PTPN20: variants seen among roughly 807,000 people sequenced by gnomAD.
PTPN20 encodes the protein protein tyrosine phosphatase non-receptor type 20.
Under a neutral mutation model 35.0 loss-of-function variants are expected in PTPN20, and 9 were observed. That is an observed-to-expected ratio of 0.26 (90% confidence interval 0.15 to 0.45). The LOEUF is 0.45. PTPN20 is among the 20% of genes least tolerant of loss of function. The pLI, the probability that PTPN20 is intolerant of heterozygous loss-of-function variation, is 1.00. For missense variants in PTPN20, 111 were observed against 312.5 expected (o/e 0.36, Z 4.86); for synonymous variants, 32 against 100.2 (o/e 0.32, Z 4.06).
At chr10:46,996,136 G>T (rs935397156) in intron 9 of PTPN20, among the ~76,000 whole-genome samples, 17 of 152,026 alleles carry the variant, frequency 1.1e-4, no homozygotes, top group Admixed American at 1.3e-4. Context: ...AAGTCTTAAT[G>T]GTTCCTTTGC....
At chr10:46,911,715 T>A (rs2032104382) in intron 1 of PTPN20, 1 of 74,726 alleles carries the variant, frequency 1.3e-5, no homozygotes, top group Admixed American at 2.2e-4. Context: ...ATTCTGGCCG[T>A]GTGATGCCAG....
intron 9 of PTPN20, among the ~76,000 whole-genome samples, chr10:46,997,712 A>C (rs2059386038): frequency 6.6e-6 from 1 of 152,214 alleles, no homozygotes; most frequent in South Asian, 2.1e-4. Flanking sequence ...CTCAAAAATC[A>C]ATAGTTAAAA....
chr10:46,929,562 G>A (rs2038895419), intron 1 of PTPN20, among the ~76,000 whole-genome samples: 1 of 151,638 alleles, frequency 6.6e-6, no homozygotes, highest in South Asian at 2.1e-4. Flanking sequence ...CATTCTTTAT[G>A]GAATTTAACT....
intron 9 of PTPN20, among the ~76,000 whole-genome samples, chr10:46,991,829 G>C (rs1489199016): frequency 6.6e-6 from 1 of 152,022 alleles, no homozygotes; most frequent in Non-Finnish European, 1.5e-5. Context: ...TAAGTAAGCT[G>C]ACCTTTCTCT....
At chr10:46,994,536 G>T (rs1046390479) in intron 9 of PTPN20, among the ~76,000 whole-genome samples, 1 of 151,702 alleles carries the variant, frequency 6.6e-6, no homozygotes, top group Non-Finnish European at 1.5e-5. Flanking sequence ...GGGTTTCACC[G>T]TGTTAGCCAG....
At chr10:46,917,197 TAAA>T (rs1298911225) in intron 1 of PTPN20, among the ~76,000 whole-genome samples, 1 of 149,216 alleles carries the variant, frequency 6.7e-6, no homozygotes, top group Non-Finnish European at 1.5e-5. Flanking sequence ...AAGGAAGAAA[TAAA>T]ATTGTCTTTA....
rs1255377367 is a variant in PTPN20, at chr10:46,911,491, C to G, written c.-134C>G. 1.0e-5 allele frequency: 2 copies of G among 195,080 alleles called. No homozygotes were observed. 12.1% of individuals were successfully genotyped at this position (195,080 alleles called of 1,614,324 possible). On this transcript the variant is annotated 5_prime_UTR_variant, in exon 1 of 11. Coordinates refer to ENST00000374339, the MANE Select transcript of PTPN20 (RefSeq NM_001042357.5). ...TGCAGCGGGACAGTTGGGGCGGCCC[C>G]GCAGGCCCAGGTGAGGAAAGGTGGC...
chr10:46,994,322 CTTTTTTTTT>C (rs36049729), intron 9 of PTPN20, among the ~76,000 whole-genome samples: 21 of 66,326 alleles, frequency 3.2e-4, no homozygotes, highest in African/African-American at 1.0e-3. Context: ...CTCTGATGCT[CTTTTTTTTT>C]TTTTTTTTTT....
intron 1 of PTPN20, 35 bp from the exon 2 acceptor site, chr10:46,932,342 A>T (rs1223870154): frequency 7.3e-5 from 116 of 1,595,570 alleles, no homozygotes; most frequent in Middle Eastern, 4.6e-4. Context: ...CCAGTTGTGT[A>T]ACAGAAAAAT....
intron 7 of PTPN20, among the ~76,000 whole-genome samples, chr10:46,976,516 T>A (rs1398949894): frequency 2.9e-5 from 3 of 102,130 alleles, no homozygotes; most frequent in African/African-American, 7.3e-5. Context: ...CACTGTCCTC[T>A]TCCTTCCAGT....
At chr10:46,997,072 T>C (rs1402341289) in intron 9 of PTPN20, among the ~76,000 whole-genome samples, 8 of 152,212 alleles carry the variant, frequency 5.3e-5, no homozygotes, top group African/African-American at 1.9e-4. Context: ...AGAGAGCTGA[T>C]ATCTTTACTG....
At chr10:46,967,113 T>C in intron 6 of PTPN20, among the ~76,000 whole-genome samples, 1 of 147,230 alleles carries the variant, frequency 6.8e-6, no homozygotes, top group Non-Finnish European at 1.5e-5. Flanking sequence ...TTAGTCACAG[T>C]TTCCCAAAGG....
chr10:46,936,583 A>G (rs1355862616), intron 2 of PTPN20, among the ~76,000 whole-genome samples: 5 of 151,258 alleles, frequency 3.3e-5, no homozygotes. Context: ...TCTAGACGCC[A>G]TTAAGAACAT....
At chr10:46,951,394 C>T (rs1396128256) in intron 5 of PTPN20, among the ~76,000 whole-genome samples, 53 of 151,924 alleles carry the variant, frequency 3.5e-4, no homozygotes, top group African/African-American at 1.2e-3. Context: ...GAACTCTTCA[C>T]ATGTTGGAAA....
Position 46,993,670 on chromosome 10 carries a change from C to T in PTPN20, c.1134+6115C>T, listed in dbSNP as rs1019921310. Reference sequence around the variant, plus strand: ...AAAGAAAAAATTTTAAAAAAATTCTCTATGCTTTAACTCCATCCCCACCAC... The same window carrying T: ...AAAGAAAAAATTTTAAAAAAATTCTTTATGCTTTAACTCCATCCCCACCAC... On this transcript the variant is annotated intron_variant, in intron 9 of 10. Coordinates refer to ENST00000374339, the MANE Select transcript of PTPN20 (RefSeq NM_001042357.5). 3.9e-5 allele frequency among the ~76,000 whole-genome samples: 6 copies of T among 152,312 alleles called. No homozygotes were observed. The South Asian group carries it at 1.2e-3, about 32-fold the overall frequency.
At chr10:46,947,606 TC>T (rs1463732588) in intron 5 of PTPN20, among the ~76,000 whole-genome samples, 1 of 151,736 alleles carries the variant, frequency 6.6e-6, no homozygotes, top group African/African-American at 2.4e-5. Context: ...CATTTCTATC[TC>T]CCCCCAAATT....
intron 7 of PTPN20, among the ~76,000 whole-genome samples, chr10:46,983,186 C>T (rs1439824677): frequency 2.6e-5 from 4 of 151,472 alleles, no homozygotes; most frequent in Non-Finnish European, 4.4e-5. Context: ...AAGCGATTCT[C>T]CTGCCTCAGT....
chr10:46,939,073 T>C, intron 2 of PTPN20, among the ~76,000 whole-genome samples: 1 of 151,530 alleles, frequency 6.6e-6, no homozygotes, highest in Non-Finnish European at 1.5e-5. Context: ...CACTTGAAGC[T>C]CCTTCCTAGG....
In PTPN20 at chr10:47,001,445, CT is replaced by C. The variant is rs2060026007; in HGVS notation, c.*708del. Reference sequence around the variant, plus strand: ...TTTATATAGAAAGCCCAAGAGGAGACTTTTGCCATGCCTGAGTTCTTTCCTA... The same window carrying C: ...TTTATATAGAAAGCCCAAGAGGAGACTTTGCCATGCCTGAGTTCTTTCCTA... On this transcript the variant is annotated 3_prime_UTR_variant, in exon 11 of 11. Coordinates refer to ENST00000374339, the MANE Select transcript of PTPN20 (RefSeq NM_001042357.5). 1 of 151,942 alleles carries C rather than the reference CT, an allele frequency of 6.6e-6. No homozygotes were observed. The highest frequency in any genetic ancestry group is 1.5e-5 in the Non-Finnish European group (1 of 68,058). The allele number at this position is 151,942 out of a possible 1,614,324, so 9.4% of individuals were successfully genotyped here. A position where few individuals can be genotyped will look rare whatever the true frequency, so the allele number is the denominator to read the frequency against.
Sources: gnomAD v4.1 joint callset for allele counts (sites outside exome capture counted in the v4.1 genomes callset) on GRCh38, gnomAD v4.1.1 for gene constraint, MANE v1.5 for transcripts, NCBI Gene and HGNC (gene_info 2026-07-23, HGNC 2026-07-21) for gene names.